Variants in PHLDB2 observed in about 807,000 individuals in gnomAD.
The protein encoded by PHLDB2 is pleckstrin homology like domain family B member 2, also known as pleckstrin homology-like domain family B member 2.
A neutral mutation model predicts 123.6 loss-of-function variants in PHLDB2; 71 were observed. The ratio of observed to expected loss-of-function variants is 0.57; its 90% CI spans 0.47 to 0.70. The LOEUF is 0.70. Ranked by LOEUF, PHLDB2 falls within the 30% of genes least tolerant of loss-of-function variation. The pLI, the probability that PHLDB2 is intolerant of heterozygous loss-of-function variation, is 0.00. For synonymous variants in PHLDB2, 547 were observed against 541.6 expected (o/e 1.01, Z -0.14); for missense variants, 1,446 against 1,519.5 (o/e 0.95, Z 0.80).
chr3:111,969,230 C>T (rs371897413), intron 15 of PHLDB2, among the ~76,000 whole-genome samples: 4 of 152,196 alleles, frequency 2.6e-5, no homozygotes, highest in East Asian at 3.9e-4. Flanking sequence ...CTGTGGGGGC[C>T]GTACTTACTA....
intron 2 of PHLDB2, chr3:111,846,261 G>A: frequency 3.9e-6 from 1 of 257,268 alleles, no homozygotes. Flanking sequence ...AAGAAAGGGT[G>A]GGATGGGATG....
At chr3:111,921,475 C>T (rs2068496322) in intron 5 of PHLDB2, among the ~76,000 whole-genome samples, 2 of 152,064 alleles carry the variant, frequency 1.3e-5, no homozygotes, top group Admixed American at 6.6e-5. Flanking sequence ...AGAGAATGAG[C>T]TCAAAATGGT....
chr3:111,797,064 G>T (rs187503923), intron 1 of PHLDB2, among the ~76,000 whole-genome samples: 2 of 152,108 alleles, frequency 1.3e-5, no homozygotes, highest in Non-Finnish European at 2.9e-5. Flanking sequence ...CTACCTTCTG[G>T]TCATGCCTCA....
chr3:111,904,426 C>T (rs914655371), intron 2 of PHLDB2, among the ~76,000 whole-genome samples: 2 of 152,102 alleles, frequency 1.3e-5, no homozygotes, highest in African/African-American at 4.8e-5. Flanking sequence ...GGTCATTTTA[C>T]TCCTAATTTT....
At chr3:111,814,003 A>G (rs1192352265) in intron 1 of PHLDB2, among the ~76,000 whole-genome samples, 1 of 152,076 alleles carries the variant, frequency 6.6e-6, no homozygotes, top group Non-Finnish European at 1.5e-5. Flanking sequence ...TCTTAATTCA[A>G]CTCCCACAGT....
rs1396198172 is a variant in PHLDB2 at position 111,955,159 on chromosome 3, ATC to A, written c.2872+1135_2872+1136del. The stretch of plus-strand genomic sequence containing the variant: ...ATGTATATATGATATATATATATAT[ATC>A]TCTCACTGGAACGAGGTTTTCAAAT... On this transcript the variant is annotated intron_variant, in intron 12 of 17. Transcript: ENST00000431670. Among the ~76,000 whole-genome samples the A allele has an allele frequency of 4.5e-3, 622 of 138,868 alleles. 7 individuals are homozygous for A. Among genetic ancestry groups the A allele is most frequent in the African/African-American group, 0.016 (586 of 36,770 alleles). The allele number at this position is 138,868 out of a possible 152,430, so 91.1% of individuals were successfully genotyped here. A position where few individuals can be genotyped will look rare whatever the true frequency, so the allele number is the denominator to read the frequency against.
chr3:111,958,945 T>C (rs1441594435), intron 12 of PHLDB2, among the ~76,000 whole-genome samples: 2 of 152,378 alleles, frequency 1.3e-5, no homozygotes, highest in Non-Finnish European at 1.5e-5. Context: ...GTTTATCTTA[T>C]GACATCCACA....
At chr3:111,935,545 G>GATA (rs1371998449) in intron 6 of PHLDB2, among the ~76,000 whole-genome samples, 1 of 99,214 alleles carries the variant, frequency 1.0e-5, no homozygotes, top group South Asian at 3.6e-4. Context: ...ATAGATAGAA[G>GATA]GGGAGTTCAT....
Position 111,974,417 on chromosome 3 carries a change from T to C in PHLDB2, c.3622-6T>C, listed in dbSNP as rs1329319385. The C allele has an allele frequency of 6.3e-6, 10 of 1,584,898 alleles. No individual in the cohort carries two copies. The highest frequency in any genetic ancestry group is 8.6e-6 in the Non-Finnish European group (10 of 1,165,478). On this transcript the variant is annotated splice_polypyrimidine_tract_variant and splice_region_variant and intron_variant, in intron 17 of 17. Coordinates refer to ENST00000431670, the MANE Select transcript of PHLDB2 (RefSeq NM_001134438.2). ...TTTACATTCTTTTTCCTTTTTTGAA[T>C]TTTAGAGTCCTAATCCGTTACTCAC...
chr3:111,886,869 C>A (rs2066196507), intron 2 of PHLDB2, among the ~76,000 whole-genome samples: 1 of 152,124 alleles, frequency 6.6e-6, no homozygotes, highest in African/African-American at 2.4e-5. Flanking sequence ...GACAGAAATT[C>A]AGAAGATGTT....
chr3:111,824,493 T>C (rs1234788699), intron 1 of PHLDB2, among the ~76,000 whole-genome samples: 2 of 152,084 alleles, frequency 1.3e-5, no homozygotes, highest in Non-Finnish European at 2.9e-5. Context: ...GGTTCTGGAG[T>C]GAACGTGTGA....
intron 1 of PHLDB2, among the ~76,000 whole-genome samples, chr3:111,744,612 T>A (rs2059653892): frequency 6.6e-6 from 1 of 152,238 alleles, no homozygotes; most frequent in Non-Finnish European, 1.5e-5. Context: ...CCATTTCAAA[T>A]GATGAGATCC....
intron 1 of PHLDB2, among the ~76,000 whole-genome samples, chr3:111,735,345 A>G (rs991083916): frequency 3.1e-4 from 47 of 152,306 alleles, no homozygotes; most frequent in African/African-American, 9.6e-4. Flanking sequence ...GCAGTGAATG[A>G]GTAATGTACA....
chr3:111,801,397 C>T (rs1212717649), intron 1 of PHLDB2, among the ~76,000 whole-genome samples: 1 of 152,118 alleles, frequency 6.6e-6, no homozygotes, highest in East Asian at 1.9e-4. Flanking sequence ...GATACAAAGA[C>T]CTCAAAATTT....
At chr3:111,900,016 A>T (rs2067099418) in intron 2 of PHLDB2, among the ~76,000 whole-genome samples, 1 of 152,188 alleles carries the variant, frequency 6.6e-6, no homozygotes, top group Non-Finnish European at 1.5e-5. Flanking sequence ...CTTTTATGTT[A>T]TGGAGACAAT....
chr3:111,973,808 T>C lies in PHLDB2; in HGVS notation c.3612T>C (p.Asn1204=). The C allele has an allele frequency of 1.3e-6, 2 of 1,571,420 alleles. No homozygotes were observed. Among genetic ancestry groups the C allele is most frequent in the Non-Finnish European group, 1.7e-6 (2 of 1,147,666 alleles). Residue 1204 remains asparagine, a synonymous_variant, in exon 17 of 18, where the codon AAT becomes AAC. Transcript: ENST00000431670. ...IEEVYYDHLK[N]ANKSPNPLLT... is the part of the protein sequence containing the mutation. ...AAGTCTATTATGATCACCTCAAGAA[T>C]GCTAATAAGGTAAACATCAGTTTTC...
At chr3:111,894,239 T>C (rs1342095410) in intron 2 of PHLDB2, among the ~76,000 whole-genome samples, 2 of 151,960 alleles carry the variant, frequency 1.3e-5, no homozygotes, top group African/African-American at 2.4e-5. Flanking sequence ...AGGACATGAA[T>C]TCATCATTTT....
chr3:111,948,459 C>T (rs1348835039), intron 9 of PHLDB2, among the ~76,000 whole-genome samples: 1 of 152,192 alleles, frequency 6.6e-6, no homozygotes, highest in East Asian at 1.9e-4. Flanking sequence ...TTTCCTCACA[C>T]TTTAATTCAT....
At chr3:111,951,251 CT>C (rs1361755705) in intron 10 of PHLDB2, among the ~76,000 whole-genome samples, 1 of 152,100 alleles carries the variant, frequency 6.6e-6, no homozygotes, top group East Asian at 1.9e-4. Context: ...AGCTACATGA[CT>C]TTGGCCAAGT....
Sources: gnomAD v4.1 joint callset for allele counts (sites outside exome capture counted in the v4.1 genomes callset) on GRCh38, gnomAD v4.1.1 for gene constraint, MANE v1.5 for transcripts, NCBI Gene and HGNC (gene_info 2026-07-23, HGNC 2026-07-21) for gene names.